Variants in PLPPR1 observed in about 807,000 individuals in gnomAD.
PLPPR1 encodes phospholipid phosphatase-related protein type 1.
PLPPR1 carries 10 observed loss-of-function variants against 33.1 expected under a neutral mutation model. The ratio of observed to expected loss-of-function variants is 0.30; its 90% CI spans 0.19 to 0.51. The LOEUF (loss-of-function observed/expected upper bound fraction) is 0.51. Ranked by LOEUF, PLPPR1 falls within the 20% of genes least tolerant of loss-of-function variation. PLPPR1 has a pLI of 0.97. For synonymous variants in PLPPR1, 151 were observed against 151.0 expected (o/e 1.00, Z 0.00); for missense variants, 304 against 408.1 (o/e 0.74, Z 2.20).
chr9:101,291,091 G>A (rs546747948), intron 4 of PLPPR1, among the ~76,000 whole-genome samples: 7 of 152,258 alleles, frequency 4.6e-5, no homozygotes, highest in East Asian at 1.9e-4. Context: ...CTAATACTGC[G>A]CTTTTCCGAC....
intron 1 of PLPPR1, among the ~76,000 whole-genome samples, chr9:101,077,836 G>A (rs182827029): frequency 3.2e-3 from 494 of 152,074 alleles, no homozygotes; most frequent in Non-Finnish European, 5.2e-3. Context: ...AGGGACACAG[G>A]TGTGAAAACC....
At position 101,190,888 on chromosome 9, in the gene PLPPR1, C is replaced by T. The variant is rs117994470; in HGVS notation, c.63+5331C>T. On this transcript the variant is annotated intron_variant, in intron 2 of 7. Coordinates refer to ENST00000374874, the MANE Select transcript of PLPPR1 (RefSeq NM_207299.2). ...GAGAGGATTAACAGTGGGAGGAAAG[C>T]AGAATGGATCAAGAAGTATATGTAA... 5.9e-4 allele frequency among the ~76,000 whole-genome samples: 90 copies of T among 152,214 alleles called. 1 individual carries two copies. In the East Asian group the frequency reaches 0.014, roughly 23 times the overall value.
chr9:101,202,460 G>A (rs797010497), intron 2 of PLPPR1, among the ~76,000 whole-genome samples: 1 of 152,184 alleles, frequency 6.6e-6, no homozygotes. Flanking sequence ...GAGGGCTGGG[G>A]TAATATCATT....
In PLPPR1 at chr9:101,194,753, C is replaced by CAAA. The variant is rs11439112; in HGVS notation, c.63+9210_63+9212dup. Among the ~76,000 whole-genome samples, 536 of 116,910 alleles carry CAAA rather than the reference C, an allele frequency of 4.6e-3. 5 individuals carry two copies. The highest frequency in any genetic ancestry group is 0.015 in the African/African-American group (487 of 32,458). The allele number at this position is 116,910 out of a possible 152,430, so 76.7% of individuals were successfully genotyped here. On this transcript the variant is annotated intron_variant, in intron 2 of 7. Transcript: ENST00000374874. ...GGGCAACAAGAGTGAAACTCCATCTCAAAAAAAAAAAAAAAAGTTAAAACG... is the reference window on the plus strand; with the variant it reads ...GGGCAACAAGAGTGAAACTCCATCTCAAAAAAAAAAAAAAAAAAAGTTAAAACG...
intron 1 of PLPPR1, among the ~76,000 whole-genome samples, chr9:101,099,207 G>A (rs2118549228): frequency 6.6e-6 from 1 of 152,162 alleles, no homozygotes; most frequent in Non-Finnish European, 1.5e-5. Flanking sequence ...ACCAGCAACA[G>A]CAAAACAAAA....
At chr9:101,269,148 TG>T (rs1828049437) in intron 2 of PLPPR1, among the ~76,000 whole-genome samples, 1 of 152,240 alleles carries the variant, frequency 6.6e-6, no homozygotes, top group East Asian at 1.9e-4. Context: ...TAAACTTCGG[TG>T]AGTATCTAGG....
At chr9:101,318,493 C>A (rs529704640) in intron 7 of PLPPR1, among the ~76,000 whole-genome samples, 1 of 152,048 alleles carries the variant, frequency 6.6e-6, no homozygotes, top group Non-Finnish European at 1.5e-5. Context: ...GAAGACAGGC[C>A]GAGCGTGGTG....
At chr9:101,059,815 C>T (rs568870151) in intron 1 of PLPPR1, among the ~76,000 whole-genome samples, 3 of 152,022 alleles carry the variant, frequency 2.0e-5, no homozygotes, top group East Asian at 1.9e-4. Context: ...GACAAGATAA[C>T]GAGTGCTGGC....
At chr9:101,180,133 TATATATATATACACACACAC>T (rs1826080475) in intron 1 of PLPPR1, among the ~76,000 whole-genome samples, 2 of 39,690 alleles carry the variant, frequency 5.0e-5, no homozygotes, top group Non-Finnish European at 9.7e-5. Context: ...TATATATATA[TATATATATATACACACACAC>T]ACACACACAT....
At chr9:101,059,241 T>A (rs1376455817) in intron 1 of PLPPR1, among the ~76,000 whole-genome samples, 5 of 152,154 alleles carry the variant, frequency 3.3e-5, no homozygotes, top group Non-Finnish European at 7.4e-5. Context: ...AGAATTTGCT[T>A]GTTTATACAC....
At chr9:101,160,233 G>T (rs922717019) in intron 1 of PLPPR1, among the ~76,000 whole-genome samples, 1 of 152,166 alleles carries the variant, frequency 6.6e-6, no homozygotes, top group Non-Finnish European at 1.5e-5. Context: ...CTTGGTTGGA[G>T]AATAATTTTT....
At chr9:101,269,658 A>G in intron 2 of PLPPR1, 1 of 584,676 alleles carries the variant, frequency 1.7e-6, no homozygotes, top group Non-Finnish European at 3.1e-6. Context: ...TGCCTTTCAG[A>G]TGGGAGCTGC....
chr9:101,028,825 G>A lies in PLPPR1; in HGVS notation c.-323G>A, dbSNP rs1587998602. On this transcript the variant is annotated 5_prime_UTR_variant, in exon 1 of 8. Transcript: ENST00000374874. ...AGGAGGAGGCAGCGGAGGAAGCAGAGCGCGGGATGGGCGCCCAGCGGCATC... is the reference window on the plus strand; with the variant it reads ...AGGAGGAGGCAGCGGAGGAAGCAGAACGCGGGATGGGCGCCCAGCGGCATC... The A allele has an allele frequency of 6.6e-6, 1 of 152,470 alleles. No individual in the cohort carries two copies. The highest frequency in any genetic ancestry group is 2.1e-4 in the South Asian group (1 of 4,840). 9.4% of individuals were successfully genotyped at this position (152,470 alleles called of 1,614,324 possible).
At chr9:101,298,025 T>C (rs1828681146) in intron 4 of PLPPR1, among the ~76,000 whole-genome samples, 1 of 152,230 alleles carries the variant, frequency 6.6e-6, no homozygotes, top group Admixed American at 6.5e-5. Context: ...ACAGTAACTT[T>C]TTAATACTGA....
At chr9:101,185,400 G>A (rs1435965802) in intron 1 of PLPPR1, 50 bp from the exon 2 acceptor site, 8 of 676,398 alleles carry the variant, frequency 1.2e-5, no homozygotes, top group Non-Finnish European at 1.8e-5. Context: ...AGTACCTAAG[G>A]GACTTCTCAA....
In PLPPR1 at chr9:101,320,741, T is replaced by A. The variant is rs545892955; in HGVS notation, c.945+3245T>A. On this transcript the variant is annotated intron_variant, in intron 7 of 7. Coordinates refer to ENST00000374874, the MANE Select transcript of PLPPR1 (RefSeq NM_207299.2). ...GTTGGTCAAGAAAAGAGAACTAGCA[T>A]TTATTGAGAGTCACCTCATTTAATA... Among the ~76,000 whole-genome samples the A allele has an allele frequency of 2.0e-5, 3 of 152,332 alleles. No homozygotes were observed. The South Asian group carries it at 6.2e-4, about 32-fold the overall frequency.
At chr9:101,185,935 A>T (rs1826195546) in intron 2 of PLPPR1, among the ~76,000 whole-genome samples, 1 of 151,894 alleles carries the variant, frequency 6.6e-6, no homozygotes, top group African/African-American at 2.4e-5. Context: ...GGAAGTCAAT[A>T]ATCCATGCAT....
At chr9:101,165,027 G>A (rs910302944) in intron 1 of PLPPR1, among the ~76,000 whole-genome samples, 4 of 152,126 alleles carry the variant, frequency 2.6e-5, no homozygotes, top group Admixed American at 6.6e-5. Context: ...GTAAATATCT[G>A]CCATGTGTTG....
intron 4 of PLPPR1, among the ~76,000 whole-genome samples, chr9:101,301,108 C>T (rs546345778): frequency 6.6e-6 from 1 of 152,310 alleles, no homozygotes; most frequent in South Asian, 2.1e-4. Flanking sequence ...TAGTTGATTA[C>T]TCATCATCTT....
Sources: gnomAD v4.1 joint callset for allele counts (sites outside exome capture counted in the v4.1 genomes callset) on GRCh38, gnomAD v4.1.1 for gene constraint, MANE v1.5 for transcripts, NCBI Gene and HGNC (gene_info 2026-07-23, HGNC 2026-07-21) for gene names.